Variants in MYCBP2 observed in about 807,000 individuals in gnomAD.
The protein encoded by MYCBP2 is MYC binding protein 2, also known as E3 ubiquitin-protein ligase MYCBP2.
A neutral mutation model predicts 525.3 loss-of-function variants in MYCBP2; 120 were observed. The ratio of observed to expected loss-of-function variants is 0.23; its 90% CI spans 0.20 to 0.27. The LOEUF is 0.27. MYCBP2 is among the 10% of genes least tolerant of loss of function. The pLI, the probability that MYCBP2 is intolerant of heterozygous loss-of-function variation, is 1.00. For synonymous variants in MYCBP2, 1,894 were observed against 1,955.8 expected (o/e 0.97, Z 0.83); for missense variants, 4,149 against 5,657.1 (o/e 0.73, Z 8.55).
In MYCBP2 at chr13:77,215,732, A is replaced by G. The variant is rs552165416; in HGVS notation, c.3057+2108T>C. On this transcript the variant is annotated intron_variant, in intron 21 of 82. Coordinates refer to ENST00000544440, the MANE Select transcript of MYCBP2 (RefSeq NM_015057.5). ...CTCCTGAGCAGCTAGGACCACTGGC[A>G]TGTGCCACGGCACCCAGCTAATTTT... is the stretch of plus-strand genomic sequence containing the variant. Among the ~76,000 whole-genome samples, 3 of 152,306 alleles carry G rather than the reference A, an allele frequency of 2.0e-5. No homozygotes were observed. In the East Asian group the frequency reaches 5.8e-4, roughly 29 times the overall value.
At chr13:77,249,110 G>C (rs2070651780) in intron 15 of MYCBP2, among the ~76,000 whole-genome samples, 1 of 152,156 alleles carries the variant, frequency 6.6e-6, no homozygotes, top group African/African-American at 2.4e-5. Context: ...CAGAGGCAGG[G>C]GAGAGGGAAG....
At chr13:77,106,698 C>T (rs928819902) in intron 55 of MYCBP2, among the ~76,000 whole-genome samples, 1 of 152,010 alleles carries the variant, frequency 6.6e-6, no homozygotes, top group Non-Finnish European at 1.5e-5. Context: ...CTACTAGATA[C>T]AATCTTTTTC....
chr13:77,272,445 G>A (rs2075025806), intron 5 of MYCBP2: 1 of 152,150 alleles, frequency 6.6e-6, no homozygotes, highest in African/African-American at 2.4e-5. Flanking sequence ...TCATATGTTG[G>A]TGGTCACTAT....
At chr13:77,118,688 T>TA (rs917516703) in intron 55 of MYCBP2, among the ~76,000 whole-genome samples, 14 of 152,066 alleles carry the variant, frequency 9.2e-5, no homozygotes. Context: ...CTTTTTTTTT[T>TA]AATGGAAGCG....
chr13:77,093,468 T>G (rs2045753561), intron 58 of MYCBP2, 136 bp from the exon 59 acceptor site: 1 of 691,256 alleles, frequency 1.4e-6, no homozygotes, highest in African/African-American at 1.9e-5. Context: ...ATCGTAGATG[T>G]AGGTAGGTGA....
At chr13:77,292,865 G>C (rs962683891) in intron 2 of MYCBP2, among the ~76,000 whole-genome samples, 1 of 151,066 alleles carries the variant, frequency 6.6e-6, no homozygotes, top group Non-Finnish European at 1.5e-5. Flanking sequence ...GGCTGAGGCA[G>C]GGAATTGCTT....
chr13:77,318,938 T>C (rs2081275072), intron 1 of MYCBP2, among the ~76,000 whole-genome samples: 1 of 152,102 alleles, frequency 6.6e-6, no homozygotes, highest in East Asian at 1.9e-4. Context: ...CCTGCAAAAA[T>C]ATGACATCAT....
chr13:77,112,667 G>A (rs1287906023), intron 55 of MYCBP2, among the ~76,000 whole-genome samples: 3 of 151,918 alleles, frequency 2.0e-5, no homozygotes, highest in African/African-American at 4.8e-5. Context: ...TCAAACTCCT[G>A]GCCTCAAGCC....
At chr13:77,187,855 T>C (rs970902803) in intron 30 of MYCBP2, among the ~76,000 whole-genome samples, 21 of 151,602 alleles carry the variant, frequency 1.4e-4, no homozygotes, top group African/African-American at 5.1e-4. Context: ...GACCAGCCTG[T>C]TCGAGGTCAG....
At chr13:77,068,337 A>G (rs1184578857) in intron 70 of MYCBP2, among the ~76,000 whole-genome samples, 1 of 152,074 alleles carries the variant, frequency 6.6e-6, no homozygotes, top group Non-Finnish European at 1.5e-5. Flanking sequence ...CAGTAGCCAG[A>G]ATACTCTCTT....
rs1436539098 is a variant in MYCBP2, at chr13:77,263,707, C to T, written c.1514G>A (p.Cys505Tyr). The T allele has an allele frequency of 6.2e-7, 1 of 1,613,072 alleles. No homozygotes were observed. Among genetic ancestry groups the T allele is most frequent in the South Asian group, 1.1e-5 (1 of 91,032 alleles). The change falls in exon 10 of 83, where the codon TGC becomes TAC. Residue 505 changes from cysteine to tyrosine, a missense_variant. Cys to Tyr is a radical substitution (Grantham distance 194). Coordinates refer to ENST00000544440, the MANE Select transcript of MYCBP2 (RefSeq NM_015057.5). The stretch of plus-strand genomic sequence containing the variant: ...TAGTGAGATACCACAGGCATGTAAG[C>T]ATTTTCTAGCCAGTTTAAGTTGCAA... ...QELQLKLARK[C>Y]LHACGISLFD...
At chr13:77,279,012 T>C (rs771503584) in intron 3 of MYCBP2, 101 bp from the exon 4 acceptor site, 56 of 700,278 alleles carry the variant, frequency 8.0e-5, no homozygotes, top group Non-Finnish European at 1.1e-4. Flanking sequence ...CAAATGATAA[T>C]GTATATGTAT....
intron 26 of MYCBP2, among the ~76,000 whole-genome samples, chr13:77,202,529 C>T (rs1354959202): frequency 2.6e-5 from 4 of 151,976 alleles, no homozygotes; most frequent in South Asian, 4.2e-4. Flanking sequence ...AGGGAATCCT[C>T]CCTAACTCAT....
intron 15 of MYCBP2, among the ~76,000 whole-genome samples, chr13:77,246,691 A>G (rs867362670): frequency 1.3e-5 from 2 of 151,780 alleles, no homozygotes; most frequent in Middle Eastern, 3.2e-3. Context: ...AAACCCCTAC[A>G]GACCAATATC....
At chr13:77,150,054 G>T (rs984132312) in intron 47 of MYCBP2, among the ~76,000 whole-genome samples, 1 of 152,122 alleles carries the variant, frequency 6.6e-6, no homozygotes, top group African/African-American at 2.4e-5. Flanking sequence ...ACAAACTTCA[G>T]CTTCAAATAA....
chr13:77,226,327 A>C (rs2066261857), intron 18 of MYCBP2, among the ~76,000 whole-genome samples: 1 of 152,182 alleles, frequency 6.6e-6, no homozygotes, highest in South Asian at 2.1e-4. Context: ...ATTTTCCAAC[A>C]ATCTAACCAT....
intron 1 of MYCBP2, among the ~76,000 whole-genome samples, chr13:77,303,527 T>C (rs976496407): frequency 1.3e-5 from 2 of 151,954 alleles, no homozygotes; most frequent in Admixed American, 6.6e-5. Context: ...AATTCTCTGG[T>C]CATGGAAAAA....
intron 18 of MYCBP2, among the ~76,000 whole-genome samples, chr13:77,226,198 C>T (rs1046907656): frequency 1.3e-5 from 2 of 152,118 alleles, no homozygotes; most frequent in Non-Finnish European, 2.9e-5. Flanking sequence ...CAATCACTAC[C>T]CTCAACCAAA....
intron 52 of MYCBP2, among the ~76,000 whole-genome samples, chr13:77,131,513 AACAAACACACAC>A (rs200958716): frequency 0.075 from 4,413 of 59,164 alleles, 90 homozygotes; most frequent in Non-Finnish European, 0.12. Context: ...CACACACACA[AACAAACACACAC>A]ACACACACAC....
Sources: gnomAD v4.1 joint callset for allele counts (sites outside exome capture counted in the v4.1 genomes callset) on GRCh38, gnomAD v4.1.1 for gene constraint, MANE v1.5 for transcripts, NCBI Gene and HGNC (gene_info 2026-07-23, HGNC 2026-07-21) for gene names.